The following PPM1H variants were observed in gnomAD, a reference collection of about 807,000 sequenced individuals.
The protein encoded by PPM1H is protein phosphatase 1H.
In PPM1H, 27 loss-of-function variants were observed where a neutral mutation model predicts 54.9. That is an observed-to-expected ratio of 0.49 (90% CI 0.36 to 0.68). The LOEUF (loss-of-function observed/expected upper bound fraction) is 0.68, where lower values mean the gene tolerates loss of function less well. Ranked by LOEUF, PPM1H falls within the 30% of genes least tolerant of loss-of-function variation. The pLI is 0.00. For missense variants in PPM1H, 596 were observed against 667.8 expected (o/e 0.89, Z 1.19); for synonymous variants, 305 against 270.8 (o/e 1.13, Z -1.24).
chr12:62,765,477 C>T (rs973105171), intron 4 of PPM1H, among the ~76,000 whole-genome samples: 10 of 152,150 alleles, frequency 6.6e-5, no homozygotes, highest in African/African-American at 9.7e-5. Flanking sequence ...ATGGTATCAA[C>T]GCTGTCATGG....
intron 5 of PPM1H, among the ~76,000 whole-genome samples, chr12:62,732,550 AC>A (rs1471534284): frequency 6.6e-6 from 1 of 150,518 alleles, no homozygotes. Context: ...GTGGCTAGGG[AC>A]CCAGAAGTTT....
At chr12:62,804,892 G>C (rs2076797318) in intron 2 of PPM1H, among the ~76,000 whole-genome samples, 1 of 151,480 alleles carries the variant, frequency 6.6e-6, no homozygotes, top group Non-Finnish European at 1.5e-5. Flanking sequence ...AGCTGGGATG[G>C]TCTCGATCTC....
intron 1 of PPM1H, among the ~76,000 whole-genome samples, chr12:62,872,750 C>T (rs1382374389): frequency 6.6e-6 from 1 of 152,110 alleles, no homozygotes; most frequent in Non-Finnish European, 1.5e-5. Context: ...TACAAATCAA[C>T]ATATAATATT....
intron 5 of PPM1H, among the ~76,000 whole-genome samples, chr12:62,733,783 AC>A (rs1179411866): frequency 6.6e-6 from 1 of 152,184 alleles, no homozygotes; most frequent in African/African-American, 2.4e-5. Flanking sequence ...CAGCATTTTC[AC>A]CTTTTAAAAA....
chr12:62,842,469 G>GATATGAAACTAATA (rs1743431867), intron 1 of PPM1H, among the ~76,000 whole-genome samples: 3 of 152,288 alleles, frequency 2.0e-5, no homozygotes, highest in South Asian at 4.1e-4. Context: ...CCAAAAGACA[G>GATATGAAACTAATA]AAGTATTCTA....
At chr12:62,826,224 C>A (rs956669657) in intron 2 of PPM1H, among the ~76,000 whole-genome samples, 2 of 152,120 alleles carry the variant, frequency 1.3e-5, no homozygotes, top group African/African-American at 4.8e-5. Context: ...CTGAGGTGGG[C>A]AGATCCCCTG....
chr12:62,672,138 C>T (rs2136617723), intron 8 of PPM1H, among the ~76,000 whole-genome samples: 1 of 152,290 alleles, frequency 6.6e-6, no homozygotes, highest in East Asian at 1.9e-4. Context: ...TGTGCCTTGT[C>T]CTTTAGGTAC....
At chr12:62,850,236 G>A (rs545228267) in intron 1 of PPM1H, among the ~76,000 whole-genome samples, 52 of 152,018 alleles carry the variant, frequency 3.4e-4, no homozygotes, top group Admixed American at 6.6e-4. Flanking sequence ...CAAAGTGCTG[G>A]GACTACAGGT....
intron 2 of PPM1H, among the ~76,000 whole-genome samples, chr12:62,829,634 GTC>G (rs1277400631): frequency 6.6e-6 from 1 of 152,194 alleles, no homozygotes. Context: ...GCACCAGGGT[GTC>G]TCCACTCTGC....
In PPM1H at chr12:62,879,630, G is replaced by A. The variant is rs1461908146; in HGVS notation, c.246-47351C>T. 2.6e-5 allele frequency among the ~76,000 whole-genome samples: 4 copies of A among 152,194 alleles called. No individual in the cohort carries two copies. In the South Asian group the frequency reaches 8.3e-4, roughly 32 times the overall value. Reference sequence around the variant, plus strand: ...CCTGTTGGGGTACGGGAGGTTGGGGGAGGGATAGCGTTAGGAGAAATACCT... The same window carrying A: ...CCTGTTGGGGTACGGGAGGTTGGGGAAGGGATAGCGTTAGGAGAAATACCT... On this transcript the variant is annotated intron_variant, in intron 1 of 9. Coordinates refer to ENST00000228705, the MANE Select transcript of PPM1H (RefSeq NM_020700.2).
At chr12:62,686,354 TACTTTGCTTTA>T (rs2076051748) in intron 8 of PPM1H, among the ~76,000 whole-genome samples, 1 of 152,224 alleles carries the variant, frequency 6.6e-6, no homozygotes, top group Non-Finnish European at 1.5e-5. Context: ...AGGAGGTTTT[TACTTTGCTTTA>T]AGGAGCAAAA....
At chr12:62,723,612 G>A (rs1223528926) in intron 5 of PPM1H, among the ~76,000 whole-genome samples, 1 of 152,154 alleles carries the variant, frequency 6.6e-6, no homozygotes, top group African/African-American at 2.4e-5. Context: ...GAGCAAGAAA[G>A]CCCTTACCAG....
Position 62,645,793 on chromosome 12 carries a change from C to T in PPM1H, c.*2696G>A, listed in dbSNP as rs2075781240. 1 of 152,160 alleles carries T rather than the reference C, an allele frequency of 6.6e-6. No individual in the cohort carries two copies. 9.4% of individuals were successfully genotyped at this position (152,160 alleles called of 1,614,324 possible). On this transcript the variant is annotated 3_prime_UTR_variant, in exon 10 of 10. Coordinates refer to ENST00000228705, the MANE Select transcript of PPM1H (RefSeq NM_020700.2). ...CTTCCTCTGAGGCTATTCGAGCAAG[C>T]AGATTTGGCTATAAGTCAGATACGC... is the stretch of plus-strand genomic sequence containing the variant.
Position 62,934,652 on chromosome 12 carries a change from T to G in PPM1H, c.85A>C (p.Ser29Arg), listed in dbSNP as rs1310207144. Residue 29 changes from serine to arginine, a missense_variant, in exon 1 of 10, where the codon AGC (serine) becomes CGC (arginine). Transcript: ENST00000228705. The surrounding 1 kb of genome is among the most constrained non-coding windows in gnomAD (Gnocchi z 4.2). ...AGGGGCAGGTCCGAGCCTCCGCAGC[T>G]GCCGCCGCCGTGCTCGGAGCCTGAG... ...GSSGSEHGGG[S>R]CGGSDLPLRF... The G allele has an allele frequency of 6.3e-7, 1 of 1,596,702 alleles. No individual in the cohort carries two copies. Among genetic ancestry groups the G allele is most frequent in the East Asian group, 2.3e-5 (1 of 43,734 alleles).
chr12:62,919,863 A>T (rs1182762454), intron 1 of PPM1H, among the ~76,000 whole-genome samples: 1 of 152,174 alleles, frequency 6.6e-6, no homozygotes, highest in East Asian at 1.9e-4. Flanking sequence ...AGTCTCTGTC[A>T]GCACTAAACT....
chr12:62,882,170 G>A (rs535600265), intron 1 of PPM1H, among the ~76,000 whole-genome samples: 2 of 152,346 alleles, frequency 1.3e-5, no homozygotes, highest in South Asian at 2.1e-4. Context: ...TGAACTCTGT[G>A]TATTGAAACT....
At chr12:62,699,056 C>T (rs1234609304) in intron 6 of PPM1H, among the ~76,000 whole-genome samples, 1 of 152,214 alleles carries the variant, frequency 6.6e-6, no homozygotes, top group Non-Finnish European at 1.5e-5. Flanking sequence ...TAGAGACCTT[C>T]CTACTGGCCA....
At position 62,738,986 on chromosome 12, in the gene PPM1H, G is replaced by A. The variant is rs1268168606; in HGVS notation, c.870-1400C>T. Among the ~76,000 whole-genome samples the A allele has an allele frequency of 7.3e-5, 11 of 151,558 alleles. 1 individual carries two copies. In the South Asian group the frequency reaches 1.7e-3, roughly 23 times the overall value. On this transcript the variant is annotated intron_variant, in intron 4 of 9. Transcript: ENST00000228705. ...CATAGAAACGGGAAAGTGGGGGGTC[G>A]GGGCGGGGGCGGCGGAGGGGCGGGC...
At chr12:62,658,850 A>AAGAT in intron 9 of PPM1H, 1 of 578,956 alleles carries the variant, frequency 1.7e-6, no homozygotes, top group Non-Finnish European at 3.3e-6. Context: ...TGTGGAGCCC[A>AAGAT]AGATTGTCAA....
Sources: allele counts gnomAD v4.1 joint callset (sites outside exome capture counted in the v4.1 genomes callset), GRCh38; gene constraint gnomAD v4.1.1; non-coding constraint Gnocchi (gnomAD v3.1); transcripts MANE v1.5; gene names NCBI Gene and HGNC (gene_info 2026-07-23, HGNC 2026-07-21).